The following MOSPD2 variants were observed in gnomAD, a reference collection of about 807,000 sequenced individuals.
The protein encoded by MOSPD2 is motile sperm domain-containing protein 2.
In MOSPD2, 5 loss-of-function variants were observed where a neutral mutation model predicts 41.7. The ratio of observed to expected loss-of-function variants is 0.12; its 90% CI spans 0.06 to 0.25. The LOEUF is 0.25. MOSPD2 is among the 10% of genes least tolerant of loss of function. MOSPD2 has a pLI of 1.00. For synonymous variants in MOSPD2, 115 were observed against 126.9 expected, an observed-to-expected ratio of 0.91 and a Z score of 0.63; for missense variants, 282 against 375.2, an observed-to-expected ratio of 0.75 and a Z score of 2.05.
chrX:14,917,107 G>A (rs991542525), intron 13 of MOSPD2, among the ~76,000 whole-genome samples: 1 of 111,948 alleles, frequency 8.9e-6, no homozygotes, highest in African/African-American at 3.3e-5. Flanking sequence ...GCATAGGGAT[G>A]CTGCTAAACC....
In MOSPD2 at chrX:14,919,728, C is replaced by T; in HGVS notation, c.1476C>T (p.Ile492=). 1 of 1,210,865 alleles carries T rather than the reference C, an allele frequency of 8.3e-7. No individual in the cohort carries two copies. Among genetic ancestry groups the T allele is most frequent in the South Asian group, 1.8e-5 (1 of 56,814 alleles). Residue 492 remains isoleucine (I), a synonymous_variant, in exon 15 of 15, where the codon ATC becomes ATT. Coordinates refer to ENST00000380492, the MANE Select transcript of MOSPD2 (RefSeq NM_152581.4). The part of the protein sequence containing the change: ...RKLEDQVQRC[I]WFQQLLLSLT... The stretch of plus-strand genomic sequence containing the variant: ...TTGAAGACCAAGTTCAGCGTTGTAT[C>T]TGGTTCCAGCAGCTGCTGCTTTCCT...
chrX:14,900,755 G>A, intron 6 of MOSPD2, 120 bp downstream of exon 6: 1 of 355,034 alleles, frequency 2.8e-6, no homozygotes, highest in Non-Finnish European at 4.9e-6. Flanking sequence ...TTCTGATGAA[G>A]AATTTTAAAT....
intron 13 of MOSPD2, among the ~76,000 whole-genome samples, chrX:14,917,926 A>G (rs1007346040): frequency 8.9e-6 from 1 of 112,124 alleles, no homozygotes; most frequent in African/African-American, 3.2e-5. Context: ...GAGAAGGCTG[A>G]AAGTGCGGGG....
Position 14,921,293 on chromosome X carries a change from C to T in MOSPD2, c.*1484C>T. The T allele has an allele frequency of 1.1e-6, 1 of 932,195 alleles. No homozygotes were observed. Among genetic ancestry groups the T allele is most frequent in the East Asian group, 4.2e-5 (1 of 23,709 alleles). The allele number at this position is 932,195 out of a possible 1,213,427, so 76.8% of individuals were successfully genotyped here. A position where few individuals can be genotyped will look rare whatever the true frequency, so the allele number is the denominator to read the frequency against. The stretch of plus-strand genomic sequence containing the variant: ...AACTGAGTTATGAAGAATGATATAA[C>T]AGTTCCTTCAAAATTGGCCTAGGAA... On this transcript the variant is annotated 3_prime_UTR_variant, in exon 15 of 15. Coordinates refer to ENST00000380492, the MANE Select transcript of MOSPD2 (RefSeq NM_152581.4).
intron 2 of MOSPD2, among the ~76,000 whole-genome samples, chrX:14,878,746 C>T (rs148114620): frequency 0.022 from 2,459 of 111,345 alleles, 60 homozygotes; most frequent in African/African-American, 0.076. Flanking sequence ...ATGTGCACAA[C>T]GTGCAGGTTT....
chrX:14,919,681 T>C lies in MOSPD2; in HGVS notation c.1429T>C (p.Leu477=). 1 of 1,204,427 alleles carries C rather than the reference T, an allele frequency of 8.3e-7. No homozygotes were observed. The highest frequency in any genetic ancestry group is 1.7e-5 in the African/African-American group (1 of 57,616). ...SEDICLQLSR[L]LESNRKLEDQ... Reference sequence around the variant, plus strand: ...CCTCTTCCCTCTTCAGCTCAGTCGTTTACTAGAAAGCAATAGGAAGCTTGA... The same window carrying C: ...CCTCTTCCCTCTTCAGCTCAGTCGTCTACTAGAAAGCAATAGGAAGCTTGA... The change falls in exon 15 of 15, where the codon TTA becomes CTA. Residue 477 remains leucine, a synonymous_variant. Transcript: ENST00000380492.
chrX:14,897,401 G>A (rs1400834644), intron 5 of MOSPD2, among the ~76,000 whole-genome samples, 163 bp downstream of exon 5: 2 of 111,929 alleles, frequency 1.8e-5, no homozygotes, highest in Non-Finnish European at 1.9e-5. Flanking sequence ...ACATGGAATA[G>A]GGTTTGCAGA....
chrX:14,919,783 T>G lies in MOSPD2; in HGVS notation c.1531T>G (p.Ser511Ala). 1 of 1,209,829 alleles carries G rather than the reference T, an allele frequency of 8.3e-7. No homozygotes were observed. Among genetic ancestry groups the G allele is most frequent in the African/African-American group, 1.7e-5 (1 of 57,744 alleles). ...LTMLLLAFVT[S>A]FFYLLYS ...AATGCTCTTGCTTGCTTTTGTCACC[T>G]CTTTCTTCTATTTATTGTACAGTTA... The change falls in exon 15 of 15, where the codon TCT (serine) becomes GCT (alanine). Residue 511 changes from serine to alanine, a missense_variant. Ser to Ala is a moderately conservative substitution (Grantham distance 99). This residue lies in a region of MOSPD2 where 94 missense variants were observed against 102.1 expected (regional missense o/e 0.92). Transcript: ENST00000380492.
chrX:14,896,657 A>G (rs1291097773), intron 4 of MOSPD2, among the ~76,000 whole-genome samples: 1 of 112,357 alleles, frequency 8.9e-6, no homozygotes, highest in Non-Finnish European at 1.9e-5. Flanking sequence ...CACCACCTGA[A>G]CAGTTTACCG....
chrX:14,918,983 C>T (rs2092604889), intron 14 of MOSPD2, among the ~76,000 whole-genome samples: 1 of 111,597 alleles, frequency 9.0e-6, no homozygotes, highest in Admixed American at 9.5e-5. Flanking sequence ...TTTGGGAGGC[C>T]GAGGCAGGAG....
intron 14 of MOSPD2, 61 bp downstream of exon 14, chrX:14,918,843 CT>C: frequency 2.7e-6 from 2 of 739,047 alleles, no homozygotes; most frequent in Non-Finnish European, 4.1e-6. Context: ...TTAGAAATCC[CT>C]TTTTTTCTCA....
chrX:14,903,613 G>C (rs751769331), intron 7 of MOSPD2, among the ~76,000 whole-genome samples: 1 of 111,804 alleles, frequency 8.9e-6, no homozygotes, highest in African/African-American at 3.2e-5. Flanking sequence ...AAACTGTCTT[G>C]ACCAACTTTA....
At chrX:14,885,287 C>G (rs867780614) in intron 2 of MOSPD2, 167 of 111,557 alleles carry the variant, frequency 1.5e-3, no homozygotes, top group African/African-American at 5.0e-3. Flanking sequence ...GCAACTACAT[C>G]AGAAGTCACA....
chrX:14,882,807 CTT>C (rs745639177), intron 2 of MOSPD2, among the ~76,000 whole-genome samples: 6 of 98,152 alleles, frequency 6.1e-5, no homozygotes, highest in African/African-American at 3.7e-5. Context: ...TTTTCTTTTT[CTT>C]TTTTTTTTTT....
In MOSPD2 at chrX:14,920,368, G is replaced by A. The variant is rs1006190864; in HGVS notation, c.*559G>A. 6.7e-6 allele frequency: 5 copies of A among 751,675 alleles called. No homozygotes were observed. The highest frequency in any genetic ancestry group is 1.5e-4 in the East Asian group (1 of 6,597). 61.9% of individuals were successfully genotyped at this position (751,675 alleles called of 1,213,427 possible). Reference sequence around the variant, plus strand: ...GTGATGGTCAGTATTCTTTTGGAATGTAAACCGATTTAATGCCAAACCACC... The same window carrying A: ...GTGATGGTCAGTATTCTTTTGGAATATAAACCGATTTAATGCCAAACCACC... On this transcript the variant is annotated 3_prime_UTR_variant, in exon 15 of 15. Coordinates refer to ENST00000380492, the MANE Select transcript of MOSPD2 (RefSeq NM_152581.4).
chrX:14,890,507 A>G (rs1480449082), intron 2 of MOSPD2, among the ~76,000 whole-genome samples: 2 of 111,941 alleles, frequency 1.8e-5, no homozygotes, highest in African/African-American at 6.5e-5. Context: ...TAGATTAGAA[A>G]AATACAACCC....
chrX:14,902,575 T>C (rs1055426092), intron 6 of MOSPD2, among the ~76,000 whole-genome samples: 3 of 112,180 alleles, frequency 2.7e-5, no homozygotes, highest in African/African-American at 9.7e-5. Context: ...GGAAATGATT[T>C]TAAAGTTCAG....
At chrX:14,889,128 G>A (rs910694814) in intron 2 of MOSPD2, among the ~76,000 whole-genome samples, 1 of 111,178 alleles carries the variant, frequency 9.0e-6, no homozygotes, top group Admixed American at 9.5e-5. Context: ...GGACACTGCC[G>A]CATGAAGCCT....
rs1602037539 is a variant in MOSPD2 at position 14,908,752 on chromosome X, C to T, written c.578-108C>T. The T allele has an allele frequency of 4.2e-6, 3 of 709,226 alleles. No homozygotes were observed. The East Asian group carries it at 1.2e-4, about 28-fold the overall frequency. The allele number at this position is 709,226 out of a possible 1,213,427, so 58.4% of individuals were successfully genotyped here. A position where few individuals can be genotyped will look rare whatever the true frequency, so the allele number is the denominator to read the frequency against. ...TACATCACGTAAAGATAAATATTAA[C>T]AGATTATAGCCCAAACTGATTTCAG... On this transcript the variant is annotated intron_variant, in intron 7 of 14. Transcript: ENST00000380492.
Sources: gnomAD v4.1 joint callset for allele counts (sites outside exome capture counted in the v4.1 genomes callset) on GRCh38, gnomAD v4.1.1 for gene constraint, gnomAD v4.1.1 regional missense constraint, MANE v1.5 for transcripts, NCBI Gene and HGNC (gene_info 2026-07-23, HGNC 2026-07-21) for gene names.